KCTD16: variants seen among roughly 807,000 people sequenced by gnomAD.
KCTD16 encodes BTB/POZ domain-containing protein KCTD16.
Under a neutral mutation model 33.2 loss-of-function variants are expected in KCTD16, and 13 were observed. That is an observed-to-expected ratio of 0.39 (90% CI 0.25 to 0.62). The LOEUF is 0.62. Among genes scored for constraint, KCTD16 ranks in the 20% least tolerant of loss-of-function variants. KCTD16 has a pLI of 0.50. For missense variants in KCTD16, 441 were observed against 525.1 expected (o/e 0.84, Z 1.57); for synonymous variants, 197 against 195.3 (o/e 1.01, Z -0.07).
rs145377682 is a variant in KCTD16 at position 144,374,714 on chromosome 5, G to A, written c.833-98946G>A. Among the ~76,000 whole-genome samples the A allele has an allele frequency of 1.3e-3, 200 of 152,126 alleles. 1 individual carries two copies. The highest frequency in any genetic ancestry group is 4.4e-3 in the African/African-American group (181 of 41,530). On this transcript the variant is annotated intron_variant, in intron 3 of 3. Transcript: ENST00000512467. ...TCAATACTCTGTGGCCAATCTTGTG[G>A]CCTTTTGCATACTCCTAAGAAATGA... is the stretch of plus-strand genomic sequence containing the variant.
chr5:144,192,275 G>T (rs941578214), intron 2 of KCTD16, among the ~76,000 whole-genome samples: 2 of 152,134 alleles, frequency 1.3e-5, no homozygotes, highest in Non-Finnish European at 2.9e-5. Context: ...TCCTGATGAC[G>T]TCTCAAGTCG....
At chr5:144,334,931 CACACCT>C (rs1580881063) in intron 3 of KCTD16, among the ~76,000 whole-genome samples, 1 of 152,022 alleles carries the variant, frequency 6.6e-6, no homozygotes, top group African/African-American at 2.4e-5. Flanking sequence ...CATGTACTAC[CACACCT>C]GGCTAATTTT....
chr5:144,273,292 G>T (rs1398297081), intron 3 of KCTD16, among the ~76,000 whole-genome samples: 1 of 152,014 alleles, frequency 6.6e-6, no homozygotes, highest in Non-Finnish European at 1.5e-5. Flanking sequence ...CAACACAATG[G>T]CTACTATCAA....
chr5:144,267,296 T>A (rs1027245999), intron 3 of KCTD16, among the ~76,000 whole-genome samples: 2 of 152,204 alleles, frequency 1.3e-5, no homozygotes, highest in Admixed American at 6.5e-5. Context: ...TGTACCTCAG[T>A]TTCCTTGCTT....
intron 3 of KCTD16, among the ~76,000 whole-genome samples, chr5:144,439,802 A>G (rs533664707): frequency 6.6e-6 from 1 of 152,284 alleles, no homozygotes; most frequent in African/African-American, 2.4e-5. Context: ...GGTATCGTGT[A>G]AACTTGCTGT....
At chr5:144,219,963 T>C (rs1055866108) in intron 3 of KCTD16, among the ~76,000 whole-genome samples, 9 of 152,182 alleles carry the variant, frequency 5.9e-5, no homozygotes, top group African/African-American at 2.2e-4. Context: ...TCTGCACTGT[T>C]ACTACACATA....
At chr5:144,369,490 T>G (rs546296750) in intron 3 of KCTD16, 1 of 152,282 alleles carries the variant, frequency 6.6e-6, no homozygotes, top group East Asian at 1.9e-4. Context: ...TTGTTATTAT[T>G]ACATCCCTAT....
At chr5:144,292,632 A>G (rs534313471) in intron 3 of KCTD16, among the ~76,000 whole-genome samples, 1 of 152,242 alleles carries the variant, frequency 6.6e-6, no homozygotes, top group Non-Finnish European at 1.5e-5. Flanking sequence ...TTGGAGATTC[A>G]GCATGAAGCT....
chr5:144,237,636 C>G (rs1443511082), intron 3 of KCTD16, among the ~76,000 whole-genome samples: 1 of 151,982 alleles, frequency 6.6e-6, no homozygotes, highest in Non-Finnish European at 1.5e-5. Context: ...TCCAGTTTTT[C>G]TGGAACAGGG....
At chr5:144,457,908 C>G (rs982343216) in intron 3 of KCTD16, among the ~76,000 whole-genome samples, 1 of 152,180 alleles carries the variant, frequency 6.6e-6, no homozygotes, top group African/African-American at 2.4e-5. Context: ...GTGCATACAA[C>G]TGCCCATTGG....
intron 2 of KCTD16, among the ~76,000 whole-genome samples, chr5:144,201,605 C>T (rs774263828): frequency 1.3e-5 from 2 of 152,206 alleles, no homozygotes; most frequent in Non-Finnish European, 2.9e-5. Context: ...ATTTAGTCCA[C>T]GCAACACACC....
intron 3 of KCTD16, among the ~76,000 whole-genome samples, chr5:144,464,386 CA>C (rs1352818265): frequency 1.3e-5 from 2 of 152,070 alleles, no homozygotes; most frequent in African/African-American, 2.4e-5. Flanking sequence ...TAGCTGGAGG[CA>C]ATTTTACCCC....
At chr5:144,304,977 CTTTTTTTTTTTTT>C (rs146638360) in intron 3 of KCTD16, among the ~76,000 whole-genome samples, 1 of 83,416 alleles carries the variant, frequency 1.2e-5, no homozygotes, top group African/African-American at 5.5e-5. Context: ...ATATCAAAAT[CTTTTTTTTTTTTT>C]TTTTTTTTTT....
chr5:144,202,841 G>C (rs571201227), intron 2 of KCTD16, among the ~76,000 whole-genome samples: 1 of 152,286 alleles, frequency 6.6e-6, no homozygotes, highest in African/African-American at 2.4e-5. Context: ...AGGTTGTCTG[G>C]TGAATGTTTT....
intron 3 of KCTD16, among the ~76,000 whole-genome samples, chr5:144,396,159 G>A (rs1752563500): frequency 6.6e-6 from 1 of 152,100 alleles, no homozygotes; most frequent in East Asian, 1.9e-4. Flanking sequence ...GATACCAACT[G>A]CAGGGATTTA....
At chr5:144,257,446 T>G (rs1754880326) in intron 3 of KCTD16, among the ~76,000 whole-genome samples, 1 of 152,106 alleles carries the variant, frequency 6.6e-6, no homozygotes, top group South Asian at 2.1e-4. Flanking sequence ...CAATGGTGTT[T>G]GGAACTTCTC....
At chr5:144,328,580 A>T (rs1462583513) in intron 3 of KCTD16, among the ~76,000 whole-genome samples, 2 of 151,662 alleles carry the variant, frequency 1.3e-5, no homozygotes, top group South Asian at 2.1e-4. Context: ...GTGCTGAAAC[A>T]ATTTTATCCT....
At chr5:144,384,813 G>A (rs535620046) in intron 3 of KCTD16, among the ~76,000 whole-genome samples, 3 of 152,288 alleles carry the variant, frequency 2.0e-5, no homozygotes, top group African/African-American at 4.8e-5. Context: ...GTTTCCTAAT[G>A]ATGGTCACTT....
chr5:144,326,939 G>A (rs1348339315), intron 3 of KCTD16, among the ~76,000 whole-genome samples: 3 of 152,128 alleles, frequency 2.0e-5, no homozygotes, highest in Non-Finnish European at 2.9e-5. Context: ...AGTAATTAGA[G>A]TATAAATTCA....
Sources: gnomAD v4.1 joint callset for allele counts (sites outside exome capture counted in the v4.1 genomes callset) on GRCh38, gnomAD v4.1.1 for gene constraint, MANE v1.5 for transcripts, NCBI Gene and HGNC (gene_info 2026-07-23, HGNC 2026-07-21) for gene names.